The following MATR3 variants were observed in gnomAD, a reference collection of about 807,000 sequenced individuals.
MATR3 encodes matrin-3.
Under a neutral mutation model 85.5 loss-of-function variants are expected in MATR3, and 4 were observed. That is an observed-to-expected ratio of 0.05 (90% confidence interval 0.02 to 0.11). MATR3 has a LOEUF of 0.11. MATR3 is among the 10% of genes least tolerant of loss of function. The pLI is 1.00. For synonymous variants in MATR3, 336 were observed against 343.1 expected (o/e 0.98, Z 0.23); for missense variants, 685 against 1,016.1 (o/e 0.67, Z 4.43).
upstream of MATR3, chr5:139,293,239 AAC>A (rs1753942636): frequency 2.6e-5 from 4 of 152,264 alleles, no homozygotes; most frequent in Middle Eastern, 6.8e-3. Flanking sequence ...CAACCTGAGC[AAC>A]ACAGTTTATT....
rs369312174 is a variant in MATR3 at position 139,322,733 on chromosome 5, C to T, written c.1914C>T (p.Asp638=). The T allele has an allele frequency of 2.5e-6, 4 of 1,614,028 alleles. No individual in the cohort carries two copies. The highest frequency in any genetic ancestry group is 3.4e-6 in the Non-Finnish European group (4 of 1,180,046). ...AGTCCGGTGAAGATGGTGAGAAAGACACAAAGGATGACCAGACAGAGCAGG... is the reference window on the plus strand; with the variant it reads ...AGTCCGGTGAAGATGGTGAGAAAGATACAAAGGATGACCAGACAGAGCAGG... ...EEKSGEDGEK[D]TKDDQTEQEP... Residue 638 remains aspartate (D), a synonymous_variant, in exon 12 of 15, where the codon GAC becomes GAT. Coordinates refer to ENST00000394805, the MANE Select transcript of MATR3 (RefSeq NM_018834.6).
chr5:139,311,782 T>A (rs930570197), intron 2 of MATR3: 2 of 101,220 alleles, frequency 2.0e-5, no homozygotes, highest in Non-Finnish European at 4.1e-5. Context: ...TTTTTTTTTT[T>A]TTTGAGAAGG....
chr5:139,274,125 G>C, exon 1 of MATR3: 1 of 446,764 alleles, frequency 2.2e-6, no homozygotes, highest in Non-Finnish European at 4.5e-6. Flanking sequence ...GCCTCTGCCG[G>C]TGCTGCTGCG....
In MATR3 at chr5:139,307,125, T is replaced by C. The variant is rs1754751429; in HGVS notation, c.-177-114T>C. Reference sequence around the variant, plus strand: ...GATATGTAATAAATTCCTTGTAAGTTTGAGATCTTAAATGTTTTTTTTTTA... The same window carrying C: ...GATATGTAATAAATTCCTTGTAAGTCTGAGATCTTAAATGTTTTTTTTTTA... On this transcript the variant is annotated intron_variant, in intron 1 of 14. Transcript: ENST00000394805. This position sits in a 1 kb window ranked among gnomAD's most constrained non-coding sequence, Gnocchi z 4.4. 1.5e-6 allele frequency: 1 copy of C among 676,172 alleles called. No individual in the cohort carries two copies. Among genetic ancestry groups the C allele is most frequent in the African/African-American group, 1.9e-5 (1 of 52,112 alleles). The allele number at this position is 676,172 out of a possible 1,614,324, so 41.9% of individuals were successfully genotyped here.
chr5:139,325,860 C>T (rs1221051228), intron 13 of MATR3, among the ~76,000 whole-genome samples, 198 bp downstream of exon 13: 1 of 152,100 alleles, frequency 6.6e-6, no homozygotes, highest in Admixed American at 6.5e-5. Flanking sequence ...GTATTATTTT[C>T]TGTTGTTATT....
intron 12 of MATR3, among the ~76,000 whole-genome samples, chr5:139,323,456 C>T (rs1477701575): frequency 6.6e-6 from 1 of 152,160 alleles, no homozygotes; most frequent in Non-Finnish European, 1.5e-5. Context: ...ACAAGTAAGT[C>T]ATTTAGAAGC....
rs548290121 is a variant in MATR3 at position 139,295,387 on chromosome 5, A to G, written c.-178+1582A>G. ...GGTTATGTAAGATTTGGAAAAGATC[A>G]TTTAGCCAGATGTGTGTTGAAGTGC... On this transcript the variant is annotated intron_variant, in intron 1 of 14. Coordinates refer to ENST00000394805, the MANE Select transcript of MATR3 (RefSeq NM_018834.6). Among the ~76,000 whole-genome samples the G allele has an allele frequency of 3.9e-5, 6 of 152,360 alleles. 1 individual carries two copies. The South Asian group carries it at 1.0e-3, about 26-fold the overall frequency.
chr5:139,321,778 G>A lies in MATR3; in HGVS notation c.1603-120G>A, dbSNP rs956913126. On this transcript the variant is annotated intron_variant, in intron 9 of 14. Transcript: ENST00000394805. ...AGCCTGGGTGACACAGTGAGACCCT[G>A]TCTCAAAAAAGAAAAAAAGTAATGA... is the stretch of plus-strand genomic sequence containing the variant. The A allele has an allele frequency of 2.7e-5, 25 of 940,568 alleles. 1 individual carries two copies. The East Asian group carries it at 6.3e-4, about 24-fold the overall frequency. 58.3% of individuals were successfully genotyped at this position (940,568 alleles called of 1,614,324 possible).
At position 139,288,317 on chromosome 5, in the gene MATR3, A is replaced by G. The variant is rs115206535; in HGVS notation, c.-178+9188A>G. 8.8e-3 allele frequency among the ~76,000 whole-genome samples: 1,335 copies of G among 152,254 alleles called. 17 individuals are homozygous for G. The highest frequency in any genetic ancestry group is 0.03 in the African/African-American group (1,232 of 41,558). On this transcript the variant is annotated intron_variant, in intron 3 of 16. Coordinates refer to ENST00000509990, the Ensembl canonical transcript of MATR3. ...ATATTTCTTTTGAATCTCCCACATC[A>G]TCACTAAGTTCCTCAATAAATAATT...
intron 1 of MATR3, among the ~76,000 whole-genome samples, chr5:139,303,877 A>G (rs982606920): frequency 2.0e-5 from 3 of 152,134 alleles, no homozygotes; most frequent in African/African-American, 7.2e-5. Context: ...CTTACCGGTA[A>G]TCTTTAAGGA....
chr5:139,323,225 G>C (rs1371678366), intron 12 of MATR3, among the ~76,000 whole-genome samples: 1 of 151,708 alleles, frequency 6.6e-6, no homozygotes, highest in Non-Finnish European at 1.5e-5. Flanking sequence ...CAAAATATAT[G>C]TGCTTCTGTA....
Position 139,325,557 on chromosome 5 carries a change from A to G in MATR3, c.2266A>G (p.Lys756Glu). Residue 756 changes from lysine (K) to glutamate (E), a missense_variant, in exon 13 of 15, where the codon AAA (lysine) becomes GAA (glutamate). By Grantham distance (56) the Lys-to-Glu change is moderately conservative. Coordinates refer to ENST00000394805, the MANE Select transcript of MATR3 (RefSeq NM_018834.6). Reference protein sequence around the residue: ...ESSENADDPNKDTSENADGQS... With the variant: ...ESSENADDPNEDTSENADGQS... ...TTCTGAGAACGCTGATGATCCCAAC[A>G]AAGATACAAGTGAAAACGCAGATGG... 1 of 1,614,222 alleles carries G rather than the reference A, an allele frequency of 6.2e-7. No homozygotes were observed. The highest frequency in any genetic ancestry group is 8.5e-7 in the Non-Finnish European group (1 of 1,180,036).
At chr5:139,295,989 A>G (rs916093976) in intron 1 of MATR3, among the ~76,000 whole-genome samples, 5 of 151,996 alleles carry the variant, frequency 3.3e-5, no homozygotes, top group African/African-American at 9.7e-5. Flanking sequence ...ACACCAAGCT[A>G]ATTTTTTGAT....
intron 2 of MATR3, among the ~76,000 whole-genome samples, chr5:139,309,802 C>T (rs921309777): frequency 6.6e-6 from 1 of 152,020 alleles, no homozygotes; most frequent in Non-Finnish European, 1.5e-5. Context: ...TTTTAGGTCC[C>T]GTGTGAATTC....
rs771191731 is a variant in MATR3, at chr5:139,325,427, G to T, written c.2149-13G>T. 1.9e-6 allele frequency: 3 copies of T among 1,542,978 alleles called. No homozygotes were observed. The East Asian group carries it at 6.7e-5, about 34-fold the overall frequency. ...CTGGTGACAAAAATGATGATGGTTT[G>T]GTTGAAATTAAGGTGGACAAGATCG... On this transcript the variant is annotated splice_polypyrimidine_tract_variant and intron_variant, in intron 12 of 14. Transcript: ENST00000394805.
chr5:139,292,396 A>G (rs1265521691), upstream of MATR3, among the ~76,000 whole-genome samples: 1 of 152,158 alleles, frequency 6.6e-6, no homozygotes, highest in African/African-American at 2.4e-5. Context: ...ACTCCATATT[A>G]TAATCATTAA....
At chr5:139,283,779 C>T (rs1462505658) in intron 3 of MATR3, among the ~76,000 whole-genome samples, 3 of 152,262 alleles carry the variant, frequency 2.0e-5, no homozygotes, top group East Asian at 1.9e-4. Context: ...TCTCTCTCAC[C>T]GTCTTATCTT....
At chr5:139,294,291 C>G (rs918323972) in intron 1 of MATR3, among the ~76,000 whole-genome samples, 11 of 152,166 alleles carry the variant, frequency 7.2e-5, no homozygotes, top group Non-Finnish European at 1.6e-4. Flanking sequence ...CCTTGGGTAG[C>G]GCCAGTGCCA....
chr5:139,305,856 C>G (rs1754679537), intron 1 of MATR3, among the ~76,000 whole-genome samples: 1 of 152,238 alleles, frequency 6.6e-6, no homozygotes, highest in East Asian at 1.9e-4. Flanking sequence ...CAGTCTAAAT[C>G]TTTCTTGCCT....
Sources: gnomAD v4.1 joint callset for allele counts (sites outside exome capture counted in the v4.1 genomes callset) on GRCh38, gnomAD v4.1.1 for gene constraint, Gnocchi (gnomAD v3.1) non-coding constraint, MANE v1.5 for transcripts, NCBI Gene and HGNC (gene_info 2026-07-23, HGNC 2026-07-21) for gene names.